KLF2: variants seen among roughly 807,000 people sequenced by gnomAD.
The protein encoded by KLF2 is KLF transcription factor 2.
A neutral mutation model predicts 22.2 loss-of-function variants in KLF2; 9 were observed. The ratio of observed to expected loss-of-function variants is 0.40; its 90% CI spans 0.24 to 0.71. The LOEUF (loss-of-function observed/expected upper bound fraction) is 0.71. KLF2 is among the 30% of genes least tolerant of loss of function. The pLI is 0.35. For synonymous variants in KLF2, 299 were observed against 264.2 expected, an observed-to-expected ratio of 1.13 and a Z score of -1.28; for missense variants, 481 against 542.1, an observed-to-expected ratio of 0.89 and a Z score of 1.12.
rs1306887842 is a variant in KLF2, at chr19:16,327,063, G to C, written c.*32G>C. ...CGCCCCCGCCCACCTGCGCGCGGCCGTGGCGGGTCCCACGCGCCGGGCGCG... is the reference window on the plus strand; with the variant it reads ...CGCCCCCGCCCACCTGCGCGCGGCCCTGGCGGGTCCCACGCGCCGGGCGCG... On this transcript the variant is annotated 3_prime_UTR_variant, in exon 3 of 3. Coordinates refer to ENST00000248071, the MANE Select transcript of KLF2 (RefSeq NM_016270.4). 1.4e-5 allele frequency: 21 copies of C among 1,523,398 alleles called. No individual in the cohort carries two copies. Among genetic ancestry groups the C allele is most frequent in the Non-Finnish European group, 1.4e-5 (16 of 1,132,558 alleles). 94.4% of individuals were successfully genotyped at this position (1,523,398 alleles called of 1,614,324 possible). A position where few individuals can be genotyped will look rare whatever the true frequency, so the allele number is the denominator to read the frequency against.
Position 16,325,356 on chromosome 19 carries a change from G to A in KLF2, c.216G>A (p.Ala72=). 3 of 1,463,454 alleles carry A rather than the reference G, an allele frequency of 2.0e-6. No homozygotes were observed. Among genetic ancestry groups the A allele is most frequent in the Non-Finnish European group, 2.7e-6 (3 of 1,116,872 alleles). The allele number at this position is 1,463,454 out of a possible 1,614,324, so 90.7% of individuals were successfully genotyped here. The change falls in exon 2 of 3, where the codon GCG becomes GCA. Residue 72 remains alanine (A), a synonymous_variant. Coordinates refer to ENST00000248071, the MANE Select transcript of KLF2 (RefSeq NM_016270.4). ...PEPPPPPPPP[A]FYYPEPGAPP... The stretch of plus-strand genomic sequence containing the variant: ...CGCCGCCGCCGCCCCCGCCGCCTGC[G>A]TTCTATTACCCCGAACCCGGCGCGC...
In KLF2 at chr19:16,328,589, G is replaced by A. The variant is rs2091896960; in HGVS notation, c.*1558G>A. 6.6e-6 allele frequency among the ~76,000 whole-genome samples: 1 copy of A among 152,194 alleles called. No homozygotes were observed. Among genetic ancestry groups the A allele is most frequent in the Non-Finnish European group, 1.5e-5 (1 of 68,046 alleles). ...CTCCTCCCCAACTACGGCAGCCCTG[G>A]AAACAGCTGAGAGGTGTTTGGTAAT... On this transcript the variant is annotated 3_prime_UTR_variant, in exon 3 of 3. Coordinates refer to ENST00000248071, the MANE Select transcript of KLF2 (RefSeq NM_016270.4).
chr19:16,327,287 G>GATA lies in KLF2; in HGVS notation c.*256_*257insATA. On this transcript the variant is annotated 3_prime_UTR_variant, in exon 3 of 3. Coordinates refer to ENST00000248071, the MANE Select transcript of KLF2 (RefSeq NM_016270.4). ...TTTTCAAAATGGTGCAATAATTTAA[G>GATA]TGGCATCTTCTCTCCCACCGGGTCT... 3 of 314,070 alleles carry GATA rather than the reference G, an allele frequency of 9.6e-6. No homozygotes were observed. Among genetic ancestry groups the GATA allele is most frequent in the Non-Finnish European group, 1.1e-5 (2 of 176,530 alleles). The allele number at this position is 314,070 out of a possible 1,614,324, so 19.5% of individuals were successfully genotyped here.
rs1459386855 is a variant in KLF2, at chr19:16,326,978, C to T, written c.1015C>T (p.Arg339Cys). ...GCCATTCCAGTGCCATCTGTGCGAT[C>T]GTGCCTTCTCGCGCTCCGATCACCT... ...HRPFQCHLCDRAFSRSDHLAL... is the reference protein window; with the variant it reads ...HRPFQCHLCDCAFSRSDHLAL... Residue 339 changes from arginine to cysteine, a missense_variant, in exon 3 of 3, where the codon CGT becomes TGT. Around this residue, in one of 2 missense-constraint regions of KLF2, gnomAD observed 60 missense variants for 107.0 expected, o/e 0.56. Transcript: ENST00000248071. 1 of 1,613,130 alleles carries T rather than the reference C, an allele frequency of 6.2e-7. No individual in the cohort carries two copies. The highest frequency in any genetic ancestry group is 8.5e-7 in the Non-Finnish European group (1 of 1,179,804).
At chr19:16,326,708 A>G in intron 2 of KLF2, 148 bp from the exon 3 acceptor site, 1 of 757,640 alleles carries the variant, frequency 1.3e-6, no homozygotes, top group Non-Finnish European at 2.1e-6. Flanking sequence ...GGAGTTGGGG[A>G]TGTAGGGCAA....
At position 16,328,375 on chromosome 19, in the gene KLF2, G is replaced by A. The variant is rs2091896383; in HGVS notation, c.*1344G>A. 6.6e-6 allele frequency among the ~76,000 whole-genome samples: 1 copy of A among 152,054 alleles called. No homozygotes were observed. Among genetic ancestry groups the A allele is most frequent in the South Asian group, 2.1e-4 (1 of 4,832 alleles). On this transcript the variant is annotated 3_prime_UTR_variant, in exon 3 of 3. Coordinates refer to ENST00000248071, the MANE Select transcript of KLF2 (RefSeq NM_016270.4). ...CACCCCAAGTGTCTCAGGCAAGGAG[G>A]TATCTCTCCCCCCAGATTTCACCTG...
chr19:16,325,596 C>T lies in KLF2; in HGVS notation c.456C>T (p.Ala152=), dbSNP rs1052513234. 1.9e-5 allele frequency: 22 copies of T among 1,131,298 alleles called. No homozygotes were observed. The African/African-American group carries it at 3.7e-4, about 19-fold the overall frequency. 70.1% of individuals were successfully genotyped at this position (1,131,298 alleles called of 1,614,324 possible). The change falls in exon 2 of 3, where the codon GCC becomes GCT. Residue 152 remains alanine, a synonymous_variant. Coordinates refer to ENST00000248071, the MANE Select transcript of KLF2 (RefSeq NM_016270.4). The part of the protein sequence containing the change: ...RGPRGLKREG[A]PGPAASCMRG... ...CGCGCGGCCTCAAGCGCGAGGGCGC[C>T]CCGGGCCCGGCGGCTTCGTGCATGC...
Position 16,325,375 on chromosome 19 carries a change from G to A in KLF2, c.235G>A (p.Gly79Ser), listed in dbSNP as rs1260351436. The stretch of plus-strand genomic sequence containing the variant: ...GCCTGCGTTCTATTACCCCGAACCC[G>A]GCGCGCCCCCGCCCTACAGCGCCCC... ...PPPAFYYPEPGAPPPYSAPAG... is the reference protein window; with the variant it reads ...PPPAFYYPEPSAPPPYSAPAG... The change falls in exon 2 of 3, where the codon GGC becomes AGC. Residue 79 changes from glycine (G) to serine (S), a missense_variant. By Grantham distance (56) the Gly-to-Ser change is moderately conservative. Transcript: ENST00000248071. The A allele has an allele frequency of 7.0e-7, 1 of 1,431,830 alleles. No homozygotes were observed. Among genetic ancestry groups the A allele is most frequent in the Non-Finnish European group, 9.1e-7 (1 of 1,104,470 alleles). 88.7% of individuals were successfully genotyped at this position (1,431,830 alleles called of 1,614,324 possible). A position where few individuals can be genotyped will look rare whatever the true frequency, so the allele number is the denominator to read the frequency against.
In KLF2 at chr19:16,324,961, C is replaced by A. The variant is rs1324941307; in HGVS notation, c.38C>A (p.Thr13Asn). 6.2e-7 allele frequency: 1 copy of A among 1,603,470 alleles called. No individual in the cohort carries two copies. The highest frequency in any genetic ancestry group is 8.5e-7 in the Non-Finnish European group (1 of 1,175,946). Residue 13 changes from threonine to asparagine, a missense_variant, in exon 1 of 3, where the codon ACT becomes AAT. Physicochemically the swap from Thr to Asn is moderately conservative, Grantham distance 65. Transcript: ENST00000248071. Reference protein sequence around the residue: ...LSEPILPSFSTFASPCRERGL... With the variant: ...LSEPILPSFSNFASPCRERGL... The stretch of plus-strand genomic sequence containing the variant: ...GAACCCATCCTGCCGTCCTTCTCCA[C>A]TTTCGCCAGCCCGTGCCGCGAGCGC...
intron 2 of KLF2, 62 bp from the exon 3 acceptor site, chr19:16,326,794 G>A (rs1365337564): frequency 1.0e-5 from 16 of 1,531,624 alleles, no homozygotes; most frequent in Non-Finnish European, 1.4e-5. Flanking sequence ...GCTCGCCGGG[G>A]TAGCCATACG....
intron 2 of KLF2, 114 bp downstream of exon 2, chr19:16,326,146 G>C: frequency 1.9e-6 from 2 of 1,080,352 alleles, no homozygotes; most frequent in Non-Finnish European, 2.6e-6. Context: ...GTGGCTCAGG[G>C]GGATCTGGCA....
chr19:16,325,980 C>T lies in KLF2; in HGVS notation c.840C>T (p.Gly280=). Residue 280 remains glycine (G), a synonymous_variant, in exon 2 of 3, where the codon GGC becomes GGT. Coordinates refer to ENST00000248071, the MANE Select transcript of KLF2 (RefSeq NM_016270.4). ...ATHTCSYAGC[G]KTYTKSSHLK... is the part of the protein sequence containing the mutation. ...ACACCTGCAGCTACGCGGGCTGCGG[C>T]AAGACCTACACCAAGAGTTCGCATC... 2 of 1,552,272 alleles carry T rather than the reference C, an allele frequency of 1.3e-6. No homozygotes were observed. Among genetic ancestry groups the T allele is most frequent in the Non-Finnish European group, 1.7e-6 (2 of 1,149,418 alleles).
Position 16,325,963 on chromosome 19 carries a change from A to G in KLF2, c.823A>G (p.Ser275Gly), listed in dbSNP as rs1356890627. The part of the protein sequence containing the change: ...PRKRTATHTC[S>G]YAGCGKTYTK... The stretch of plus-strand genomic sequence containing the variant: ...CAAACGCACCGCCACTCACACCTGC[A>G]GCTACGCGGGCTGCGGCAAGACCTA... Residue 275 changes from serine to glycine, a missense_variant, in exon 2 of 3, where the codon AGC becomes GGC. Coordinates refer to ENST00000248071, the MANE Select transcript of KLF2 (RefSeq NM_016270.4). 1.3e-6 allele frequency: 2 copies of G among 1,548,152 alleles called. No individual in the cohort carries two copies. The highest frequency in any genetic ancestry group is 1.7e-6 in the Non-Finnish European group (2 of 1,147,434).
chr19:16,325,006 C>A lies in KLF2; in HGVS notation c.75+8C>A. On this transcript the variant is annotated splice_region_variant and intron_variant, in intron 1 of 2. Coordinates refer to ENST00000248071, the MANE Select transcript of KLF2 (RefSeq NM_016270.4). ...GAGCGCGGCCTGCAGGAGGTGAGGG[C>A]GGCGGGGACGGCGGGGCGGCCGGGA... 2 of 1,564,186 alleles carry A rather than the reference C, an allele frequency of 1.3e-6. 1 individual carries two copies. The highest frequency in any genetic ancestry group is 2.3e-5 in the South Asian group (2 of 86,074).
In KLF2 at chr19:16,325,388, C is replaced by T; in HGVS notation, c.248C>T (p.Pro83Leu). 7.0e-7 allele frequency: 1 copy of T among 1,424,582 alleles called. No homozygotes were observed. The highest frequency in any genetic ancestry group is 2.9e-5 in the East Asian group (1 of 34,078). The allele number at this position is 1,424,582 out of a possible 1,614,324, so 88.2% of individuals were successfully genotyped here. The change falls in exon 2 of 3, where the codon CCC becomes CTC. Residue 83 changes from proline (P) to leucine (L), a missense_variant. By Grantham distance (98) the Pro-to-Leu change is moderately conservative. This residue lies in a region of KLF2 where 421 missense variants were observed against 435.1 expected (regional missense o/e 0.97). Transcript: ENST00000248071. ...TACCCCGAACCCGGCGCGCCCCCGC[C>T]CTACAGCGCCCCCGCGGGTGGCCTG... is the stretch of plus-strand genomic sequence containing the variant. ...FYYPEPGAPPPYSAPAGGLVS... is the reference protein window; with the variant it reads ...FYYPEPGAPPLYSAPAGGLVS...
At chr19:16,325,179 C>A in intron 1 of KLF2, 37 bp from the exon 2 acceptor site, 1 of 1,446,260 alleles carries the variant, frequency 6.9e-7, no homozygotes, top group South Asian at 1.3e-5. Flanking sequence ...CCCCGAGCCC[C>A]GCCGCCCGCT....
In KLF2 at chr19:16,327,503, TA is replaced by T. The variant is rs551294160; in HGVS notation, c.*474del. ...GATTTTGCTGGGTTGGTTTTTTTTT[TA>T]ATTAAAAAGTTTTGCATCTTTTAAA... is the stretch of plus-strand genomic sequence containing the variant. On this transcript the variant is annotated 3_prime_UTR_variant, in exon 3 of 3. Coordinates refer to ENST00000248071, the MANE Select transcript of KLF2 (RefSeq NM_016270.4). 2.2e-3 allele frequency: 341 copies of T among 152,672 alleles called. No individual in the cohort carries two copies. The highest frequency in any genetic ancestry group is 3.7e-3 in the Non-Finnish European group (255 of 68,310). The allele number at this position is 152,672 out of a possible 1,614,324, so 9.5% of individuals were successfully genotyped here.
In KLF2 at chr19:16,327,875, G is replaced by A. The variant is rs1450830270; in HGVS notation, c.*844G>A. The A allele has an allele frequency of 6.6e-6, 1 of 151,602 alleles. No homozygotes were observed. Among genetic ancestry groups the A allele is most frequent in the African/African-American group, 2.4e-5 (1 of 41,008 alleles). The allele number at this position is 151,602 out of a possible 1,614,324, so 9.4% of individuals were successfully genotyped here. ...TAAAACTACTTACCTCTTCCTGGAA[G>A]CCTCTGAGGTTTTAGCCAAATTTCT... On this transcript the variant is annotated 3_prime_UTR_variant, in exon 3 of 3. Transcript: ENST00000248071.
At chr19:16,326,764 C>T in intron 2 of KLF2, 92 bp from the exon 3 acceptor site, 3 of 1,318,316 alleles carry the variant, frequency 2.3e-6, no homozygotes, top group Non-Finnish European at 3.1e-6. Flanking sequence ...GCGTCAAGGC[C>T]CTGGTTAGGG....
Sources: gnomAD v4.1 joint callset for allele counts (sites outside exome capture counted in the v4.1 genomes callset) on GRCh38, gnomAD v4.1.1 for gene constraint, gnomAD v4.1.1 regional missense constraint, MANE v1.5 for transcripts, NCBI Gene and HGNC (gene_info 2026-07-23, HGNC 2026-07-21) for gene names.